The following DDX47 variants were observed in gnomAD, a reference collection of about 807,000 sequenced individuals.
DDX47 encodes probable ATP-dependent RNA helicase DDX47.
Under a neutral mutation model 58.8 loss-of-function variants are expected in DDX47, and 60 were observed. The observed-to-expected ratio is 1.02, with a 90% CI of 0.83 to 1.26. The LOEUF is 1.26. DDX47 is among the 50% of genes most tolerant of loss of function. The pLI is 0.00. For synonymous variants in DDX47, 197 were observed against 204.6 expected, an observed-to-expected ratio of 0.96 and a Z score of 0.32; for missense variants, 530 against 573.2, an observed-to-expected ratio of 0.92 and a Z score of 0.77.
chr12:12,821,366 G>A lies in DDX47; in HGVS notation c.340G>A (p.Ala114Thr), dbSNP rs1862970485. 6.2e-7 allele frequency: 1 copy of A among 1,614,062 alleles called. No homozygotes were observed. The highest frequency in any genetic ancestry group is 8.5e-7 in the Non-Finnish European group (1 of 1,180,046). ...LAFQISEQFE[A>T]LGSSIGVQSA... ...CTTTCAGATCTCAGAGCAGTTTGAAGCCCTGGGGTCCTCTATTGGAGTGCA... is the reference window on the plus strand; with the variant it reads ...CTTTCAGATCTCAGAGCAGTTTGAAACCCTGGGGTCCTCTATTGGAGTGCA... Residue 114 changes from alanine (A) to threonine (T), a missense_variant, in exon 3 of 12, where the codon GCC (alanine) becomes ACC (threonine). Ala to Thr is a moderately conservative substitution (Grantham distance 58). Transcript: ENST00000358007.
In DDX47 at chr12:12,821,726, G is replaced by A; in HGVS notation, c.442G>A (p.Ala148Thr). ...TGCAAAAAAACCACATATAATAATA[G>A]GTGAGTAACTGACAAAGGTAAAAGA... is the stretch of plus-strand genomic sequence containing the variant. ...ALAKKPHIII[A>T]TPGRLIDHLE... Residue 148 changes from alanine to threonine, a missense_variant and splice_region_variant, in exon 4 of 12, where the codon GCA becomes ACA. By Grantham distance (58) the Ala-to-Thr change is moderately conservative (BLOSUM62 0). Transcript: ENST00000358007. 1 of 1,606,328 alleles carries A rather than the reference G, an allele frequency of 6.2e-7. No homozygotes were observed. The highest frequency in any genetic ancestry group is 8.5e-7 in the Non-Finnish European group (1 of 1,173,032).
In DDX47 at chr12:12,823,318, A is replaced by G. The variant is rs1863001183; in HGVS notation, c.749A>G (p.Lys250Arg). Reference sequence around the variant, plus strand: ...TATATTTTTATTCCCTCTAAATTCAAGGTAAAATGTTTACTTTGATCATTC... The same window carrying G: ...TATATTTTTATTCCCTCTAAATTCAGGGTAAAATGTTTACTTTGATCATTC... ...QYYIFIPSKFKDTYLVYILNE... is the reference protein window; with the variant it reads ...QYYIFIPSKFRDTYLVYILNE... Residue 250 changes from lysine (K) to arginine (R), a missense_variant and splice_region_variant, in exon 7 of 12, where the codon AAG (lysine) becomes AGG (arginine). Transcript: ENST00000358007. The G allele has an allele frequency of 6.6e-7, 1 of 1,522,644 alleles. No individual in the cohort carries two copies. Among genetic ancestry groups the G allele is most frequent in the Admixed American group, 1.7e-5 (1 of 59,826 alleles). The allele number at this position is 1,522,644 out of a possible 1,614,324, so 94.3% of individuals were successfully genotyped here.
intron 2 of DDX47, among the ~76,000 whole-genome samples, chr12:12,817,171 C>T (rs1242862439): frequency 6.6e-6 from 1 of 152,188 alleles, no homozygotes; most frequent in Non-Finnish European, 1.5e-5. Context: ...TTTGGGACTA[C>T]TGACGTTTTC....
At chr12:12,813,612 C>T (rs1024828814) in intron 1 of DDX47, 158 bp downstream of exon 1, 4 of 715,006 alleles carry the variant, frequency 5.6e-6, no homozygotes, top group African/African-American at 5.3e-5. Flanking sequence ...CGGACGTGCT[C>T]TGAGTTTGGG....
In DDX47 at chr12:12,822,689, G is replaced by A. The variant is rs1862991564; in HGVS notation, c.590G>A (p.Arg197Gln). The part of the protein sequence containing the change: ...EVDKILKVIP[R>Q]DRKTFLFSAT... ...GACAAGATCCTCAAAGTGATTCCTC[G>A]AGATCGGAAAACATTCCTCTTCTCT... Residue 197 changes from arginine (R) to glutamine (Q), a missense_variant, in exon 6 of 12, where the codon CGA becomes CAA. Physicochemically the swap from Arg to Gln is conservative, Grantham distance 43. Coordinates refer to ENST00000358007, the MANE Select transcript of DDX47 (RefSeq NM_016355.4). The A allele has an allele frequency of 6.8e-6, 11 of 1,613,736 alleles. No individual in the cohort carries two copies. The highest frequency in any genetic ancestry group is 1.3e-5 in the African/African-American group (1 of 74,844).
At chr12:12,824,354 CAT>C (rs1165779671) in intron 8 of DDX47, 184 bp from the exon 9 acceptor site, 3 of 607,192 alleles carry the variant, frequency 4.9e-6, no homozygotes, top group Non-Finnish European at 8.2e-6. Context: ...TATTTTGTAT[CAT>C]ATATATTTTT....
At position 12,824,568 on chromosome 12, in the gene DDX47, T is replaced by C. The variant is rs1468636952; in HGVS notation, c.926T>C (p.Phe309Ser). Reference protein sequence around the residue: ...QSKRLGSLNKFKAKARSILLA... With the variant: ...QSKRLGSLNKSKAKARSILLA... ...AAGCGCCTAGGATCCCTTAATAAGTTTAAGGCCAAGGCCCGTTCCATTCTT... is the reference window on the plus strand; with the variant it reads ...AAGCGCCTAGGATCCCTTAATAAGTCTAAGGCCAAGGCCCGTTCCATTCTT... The change falls in exon 9 of 12, where the codon TTT becomes TCT. Residue 309 changes from phenylalanine to serine, a missense_variant. Physicochemically the swap from Phe to Ser is radical, Grantham distance 155. Coordinates refer to ENST00000358007, the MANE Select transcript of DDX47 (RefSeq NM_016355.4). The C allele has an allele frequency of 6.2e-7, 1 of 1,613,546 alleles. No homozygotes were observed. Among genetic ancestry groups the C allele is most frequent in the African/African-American group, 1.3e-5 (1 of 74,890 alleles).
intron 9 of DDX47, among the ~76,000 whole-genome samples, chr12:12,825,289 A>G (rs954944000): frequency 3.9e-5 from 6 of 152,130 alleles, no homozygotes; most frequent in Non-Finnish European, 8.8e-5. Flanking sequence ...TGCTTAGTGT[A>G]TCTCAAGGTT....
chr12:12,816,300 A>G (rs556598609), intron 2 of DDX47, among the ~76,000 whole-genome samples: 1 of 152,344 alleles, frequency 6.6e-6, no homozygotes, highest in South Asian at 2.1e-4. Flanking sequence ...TGGTGACTAC[A>G]GTGAATAATG....
At chr12:12,829,005 T>A (rs1381536906) in intron 11 of DDX47, among the ~76,000 whole-genome samples, 1 of 152,210 alleles carries the variant, frequency 6.6e-6, no homozygotes, top group East Asian at 1.9e-4. Context: ...TTTGCATATT[T>A]ACTTCCTTAG....
At chr12:12,813,539 A>G (rs1862847414) in intron 1 of DDX47, 85 bp downstream of exon 1, 1 of 1,215,810 alleles carries the variant, frequency 8.2e-7, no homozygotes, top group Non-Finnish European at 1.2e-6. Flanking sequence ...CCGCTCTGAT[A>G]GTGTACAAAA....
chr12:12,821,377 C>G lies in DDX47; in HGVS notation c.351C>G (p.Ser117=). 6.2e-7 allele frequency: 1 copy of G among 1,614,132 alleles called. No individual in the cohort carries two copies. The highest frequency in any genetic ancestry group is 8.5e-7 in the Non-Finnish European group (1 of 1,180,034). The change falls in exon 3 of 12, where the codon TCC becomes TCG. Residue 117 remains serine, a synonymous_variant. Transcript: ENST00000358007. ...QISEQFEALG[S]SIGVQSAVIV... is the part of the protein sequence containing the mutation. ...CAGAGCAGTTTGAAGCCCTGGGGTCCTCTATTGGAGTGCAGAGTGGTAAGT... is the reference window on the plus strand; with the variant it reads ...CAGAGCAGTTTGAAGCCCTGGGGTCGTCTATTGGAGTGCAGAGTGGTAAGT...
At chr12:12,823,790 C>G in intron 7 of DDX47, 80 bp from the exon 8 acceptor site, 1 of 1,413,752 alleles carries the variant, frequency 7.1e-7, no homozygotes, top group East Asian at 2.3e-5. Flanking sequence ...TAGGCTTAGT[C>G]TTTACCTTAT....
At chr12:12,813,625 G>T in intron 1 of DDX47, 171 bp downstream of exon 1, 1 of 658,534 alleles carries the variant, frequency 1.5e-6, no homozygotes, top group Non-Finnish European at 2.6e-6. Flanking sequence ...AGTTTGGGTG[G>T]TGGGAGGGCT....
chr12:12,826,169 A>T, intron 10 of DDX47, 99 bp downstream of exon 10: 1 of 896,352 alleles, frequency 1.1e-6, no homozygotes, highest in Non-Finnish European at 1.7e-6. Context: ...TACACTAATC[A>T]CTTTCATACT....
chr12:12,816,494 G>A (rs1463287931), intron 2 of DDX47, among the ~76,000 whole-genome samples: 1 of 152,006 alleles, frequency 6.6e-6, no homozygotes. Context: ...AAAACTGGGG[G>A]ACAATAAAAA....
intron 2 of DDX47, 125 bp from the exon 3 acceptor site, chr12:12,821,083 T>C: frequency 1.0e-6 from 1 of 972,740 alleles, no homozygotes; most frequent in South Asian, 1.7e-5. Context: ...TATTCAACTT[T>C]CCTCTCTCCC....
In DDX47 at chr12:12,822,151, G is replaced by T. The variant is rs1426682536; in HGVS notation, c.561+68G>T. Reference sequence around the variant, plus strand: ...TTCCTGTTTCAAAATTTGGTTCATTGCCCACTTGTTTCATGTAGAACATTG... The same window carrying T: ...TTCCTGTTTCAAAATTTGGTTCATTTCCCACTTGTTTCATGTAGAACATTG... On this transcript the variant is annotated intron_variant, in intron 5 of 11. Coordinates refer to ENST00000358007, the MANE Select transcript of DDX47 (RefSeq NM_016355.4). 3.0e-6 allele frequency: 3 copies of T among 1,004,244 alleles called. No individual in the cohort carries two copies. In the East Asian group the frequency reaches 7.1e-5, roughly 24 times the overall value. 62.2% of individuals were successfully genotyped at this position (1,004,244 alleles called of 1,614,324 possible).
At chr12:12,821,136 A>G (rs1776212878) in intron 2 of DDX47, 72 bp from the exon 3 acceptor site, 12 of 1,488,586 alleles carry the variant, frequency 8.1e-6, no homozygotes, top group Admixed American at 5.2e-5. Context: ...TGTGCCCAGC[A>G]TTGTGTCATT....
Sources: gnomAD v4.1 joint callset for allele counts (sites outside exome capture counted in the v4.1 genomes callset) on GRCh38, gnomAD v4.1.1 for gene constraint, MANE v1.5 for transcripts, NCBI Gene and HGNC (gene_info 2026-07-23, HGNC 2026-07-21) for gene names.